The following CALN1 variants were observed in gnomAD, a reference collection of about 807,000 sequenced individuals.
CALN1 encodes the protein calcium-binding protein 8.
A neutral mutation model predicts 30.6 loss-of-function variants in CALN1; 17 were observed. That is an observed-to-expected ratio of 0.56 (90% confidence interval 0.38 to 0.83). The LOEUF (loss-of-function observed/expected upper bound fraction) is 0.83, where lower values mean the gene tolerates loss of function less well. Ranked by LOEUF, CALN1 falls within the 40% of genes least tolerant of loss-of-function variation. The pLI, the probability that CALN1 is intolerant of heterozygous loss-of-function variation, is 0.00. For missense variants in CALN1, 291 were observed against 354.9 expected (o/e 0.82, Z 1.45); for synonymous variants, 156 against 131.4 (o/e 1.19, Z -1.28).
intron 4 of CALN1, among the ~76,000 whole-genome samples, chr7:72,082,344 C>G (rs570639075): frequency 7.9e-5 from 12 of 152,298 alleles, no homozygotes; most frequent in African/African-American, 2.6e-4. Context: ...CGCAGCGGAA[C>G]AGCATGCTGT....
At chr7:72,386,280 G>C (rs929501343) in intron 2 of CALN1, among the ~76,000 whole-genome samples, 4 of 152,144 alleles carry the variant, frequency 2.6e-5, no homozygotes, top group African/African-American at 4.8e-5. Context: ...TCCCAGGATG[G>C]AATACAGAAT....
intron 1 of CALN1, among the ~76,000 whole-genome samples, chr7:72,445,104 AC>A (rs1383562200): frequency 0.012 from 1,773 of 142,834 alleles, 27 homozygotes; most frequent in African/African-American, 0.043. Context: ...ACACACACAC[AC>A]AACATTAAGT....
chr7:72,106,625 AAAG>A (rs1354529455), intron 3 of CALN1, among the ~76,000 whole-genome samples: 1 of 146,070 alleles, frequency 6.8e-6, no homozygotes, highest in African/African-American at 2.5e-5. Flanking sequence ...GAAAAAAGAG[AAAG>A]AAGAAAGGAA....
intron 2 of CALN1, among the ~76,000 whole-genome samples, chr7:72,358,819 G>A (rs993007433): frequency 6.6e-6 from 1 of 151,898 alleles, no homozygotes; most frequent in Non-Finnish European, 1.5e-5. Flanking sequence ...CATGGTGGCG[G>A]GCACCTATAA....
chr7:71,949,044 TAAAAAAAAAAAAA>T (rs34370568), intron 5 of CALN1, among the ~76,000 whole-genome samples: 12 of 66,906 alleles, frequency 1.8e-4, no homozygotes, highest in African/African-American at 6.1e-4. Context: ...CTCTGTCTCT[TAAAAAAAAAAAAA>T]AAAAAAAAAA....
chr7:72,359,976 C>CAAA (rs750054515), intron 2 of CALN1, among the ~76,000 whole-genome samples: 6 of 63,956 alleles, frequency 9.4e-5, no homozygotes, highest in African/African-American at 1.7e-4. Context: ...GACTCCATCT[C>CAAA]AAAAAAAAAA....
At chr7:71,914,110 T>C (rs1794567406) in intron 5 of CALN1, among the ~76,000 whole-genome samples, 1 of 152,166 alleles carries the variant, frequency 6.6e-6, no homozygotes, top group Non-Finnish European at 1.5e-5. Flanking sequence ...ATAGGTAAGC[T>C]TGTGTCATGG....
At chr7:71,937,280 A>G (rs7797167) in intron 5 of CALN1, among the ~76,000 whole-genome samples, 20,077 of 151,882 alleles carry the variant, frequency 0.13, 1,550 homozygotes, top group Admixed American at 0.22. Context: ...ATTGCACTCC[A>G]GCCTGGGCAA....
chr7:72,009,332 A>C (rs550583950), intron 5 of CALN1, among the ~76,000 whole-genome samples: 1 of 152,356 alleles, frequency 6.6e-6, no homozygotes, highest in East Asian at 1.9e-4. Context: ...ATAAAAAATA[A>C]AAATGGCAAA....
In CALN1 at chr7:72,155,784, T is replaced by C. The variant is rs538687355; in HGVS notation, c.245-49490A>G. ...AGCTCTGGATGTCAGAGGTCCAAAG[T>C]GAGTCTTATGGGGCTCAAAGCAAGG... is the stretch of plus-strand genomic sequence containing the variant. On this transcript the variant is annotated intron_variant, in intron 3 of 6. Transcript: ENST00000395275. Among the ~76,000 whole-genome samples, 4 of 152,310 alleles carry C rather than the reference T, an allele frequency of 2.6e-5. No homozygotes were observed. In the East Asian group the frequency reaches 7.8e-4, roughly 30 times the overall value.
chr7:72,483,181 T>C, the CALN1 span, among the ~76,000 whole-genome samples: 4 of 152,108 alleles, frequency 2.6e-5, no homozygotes, highest in African/African-American at 4.8e-5. Flanking sequence ...GTAGTTTGAT[T>C]ATGATATGCT....
chr7:72,170,611 G>C (rs1457777609), intron 3 of CALN1, among the ~76,000 whole-genome samples: 1 of 152,196 alleles, frequency 6.6e-6, no homozygotes, highest in Non-Finnish European at 1.5e-5. Flanking sequence ...CGCACATAAA[G>C]AGAGTCCTAC....
intron 2 of CALN1, among the ~76,000 whole-genome samples, chr7:72,394,539 A>C (rs1805786936): frequency 6.6e-6 from 1 of 152,202 alleles, no homozygotes; most frequent in South Asian, 2.1e-4. Context: ...CTGGTAATCA[A>C]CTGTTGAGTG....
At chr7:72,092,708 TG>T (rs1345040419) in intron 4 of CALN1, among the ~76,000 whole-genome samples, 1 of 152,060 alleles carries the variant, frequency 6.6e-6, no homozygotes, top group African/African-American at 2.4e-5. Context: ...ATTTCTACTT[TG>T]TTCCCTTCTG....
intron 3 of CALN1, among the ~76,000 whole-genome samples, chr7:72,272,776 T>C (rs1464794788): frequency 1.3e-5 from 2 of 152,120 alleles, no homozygotes; most frequent in African/African-American, 4.8e-5. Flanking sequence ...CAGCCACTGT[T>C]TTCCATGGGA....
chr7:72,038,440 AT>A, intron 4 of CALN1, among the ~76,000 whole-genome samples: 1 of 151,150 alleles, frequency 6.6e-6, no homozygotes, highest in East Asian at 1.9e-4. Context: ...CAGTGGTGTG[AT>A]CACAGCTCAC....
rs376957383 is a variant in CALN1, at chr7:71,893,327, C to CA, written c.502-82836dup. On this transcript the variant is annotated intron_variant, in intron 5 of 6. Coordinates refer to ENST00000395275, the MANE Select transcript of CALN1 (RefSeq NM_031468.4). ...TCCCACTACAAAGAATTGTCTGGCC[C>CA]AAAATGTCAATGATGCTGAGGTGGA... 1.1e-4 allele frequency among the ~76,000 whole-genome samples: 16 copies of CA among 152,246 alleles called. No homozygotes were observed. In the East Asian group the frequency reaches 3.1e-3, roughly 29 times the overall value.
intron 4 of CALN1, among the ~76,000 whole-genome samples, chr7:72,080,680 A>T (rs143843403): frequency 5.9e-5 from 9 of 151,744 alleles, no homozygotes; most frequent in Middle Eastern, 3.4e-3. Flanking sequence ...GTGTGCTAGG[A>T]GGGGTGGGTT....
intron 2 of CALN1, among the ~76,000 whole-genome samples, chr7:72,309,119 T>C (rs1224126059): frequency 6.6e-6 from 1 of 152,172 alleles, no homozygotes; most frequent in East Asian, 1.9e-4. Flanking sequence ...AGGCAACAGC[T>C]TGCACAAGCT....
Sources: allele counts gnomAD v4.1 joint callset (sites outside exome capture counted in the v4.1 genomes callset), GRCh38; gene constraint gnomAD v4.1.1; transcripts MANE v1.5; gene names NCBI Gene and HGNC (gene_info 2026-07-23, HGNC 2026-07-21).